BMERB1: variants seen among roughly 807,000 people sequenced by gnomAD.
BMERB1 encodes bMERB domain-containing protein 1.
Under a neutral mutation model 23.6 loss-of-function variants are expected in BMERB1, and 12 were observed. The observed-to-expected ratio is 0.51, with a 90% CI of 0.33 to 0.82. The LOEUF (loss-of-function observed/expected upper bound fraction) is 0.82, where lower values mean the gene tolerates loss of function less well. Among genes scored for constraint, BMERB1 ranks in the 40% least tolerant of loss-of-function variants. The probability of loss-of-function intolerance (pLI) is 0.03; values close to 1 mark genes in which losing one functional copy is unlikely to be tolerated. For missense variants in BMERB1, 247 were observed against 255.4 expected (o/e 0.97, Z 0.22); for synonymous variants, 122 against 96.6 (o/e 1.26, Z -1.54).
At chr16:15,532,939 C>T (rs1294219082) in intron 2 of BMERB1, 1 of 450,544 alleles carries the variant, frequency 2.2e-6, no homozygotes, top group Admixed American at 2.4e-5. Context: ...TTTACTTGCT[C>T]CGGATTAAAT....
Position 15,517,883 on chromosome 16 carries a change from ATG to A in BMERB1, c.230+2466_230+2467del, listed in dbSNP as rs1245049580. Among the ~76,000 whole-genome samples the A allele has an allele frequency of 8.1e-4, 90 of 110,782 alleles. 1 individual carries two copies. The highest frequency in any genetic ancestry group is 4.1e-3 in the African/African-American group (70 of 17,098). 72.7% of individuals were successfully genotyped at this position (110,782 alleles called of 152,430 possible). On this transcript the variant is annotated intron_variant, in intron 2 of 5. Transcript: ENST00000300006. ...TGTGTGGATGTGTGTGGGTGTGTGG[ATG>A]TGTGTGTGTGGATCTGTGTGTGTGT...
intron 4 of BMERB1, among the ~76,000 whole-genome samples, chr16:15,582,038 C>T (rs150030933): frequency 7.9e-4 from 120 of 152,314 alleles, no homozygotes; most frequent in East Asian, 7.1e-3. Context: ...AGTTCCACTG[C>T]CCTTCTTCAT....
chr16:15,501,990 A>G (rs138665994), intron 1 of BMERB1, among the ~76,000 whole-genome samples: 22 of 152,284 alleles, frequency 1.4e-4, no homozygotes, highest in South Asian at 4.1e-4. Flanking sequence ...TTCTATTTCA[A>G]TTGGACCGCA....
intron 1 of BMERB1, among the ~76,000 whole-genome samples, chr16:15,446,126 G>A (rs1453645695): frequency 2.0e-5 from 3 of 152,194 alleles, no homozygotes; most frequent in Non-Finnish European, 4.4e-5. Flanking sequence ...GGGCATAGTG[G>A]CCCACGCTTG....
chr16:15,523,484 C>T (rs1161928509), intron 2 of BMERB1, among the ~76,000 whole-genome samples: 1 of 152,132 alleles, frequency 6.6e-6, no homozygotes, highest in African/African-American at 2.4e-5. Flanking sequence ...CACTTCCCTT[C>T]CTTCCTTCTG....
At chr16:15,585,005 C>A (rs1033181381) in intron 5 of BMERB1, among the ~76,000 whole-genome samples, 2 of 152,170 alleles carry the variant, frequency 1.3e-5, no homozygotes, top group African/African-American at 4.8e-5. Flanking sequence ...GGAAGAGGGA[C>A]TTGAAATCTT....
intron 3 of BMERB1, among the ~76,000 whole-genome samples, chr16:15,580,800 C>A (rs1055655731): frequency 6.6e-6 from 1 of 152,088 alleles, no homozygotes; most frequent in Admixed American, 6.6e-5. Flanking sequence ...CCACCTTGGC[C>A]TCCCAAAGTG....
intron 2 of BMERB1, chr16:15,536,581 C>T (rs1375732726): frequency 1.3e-5 from 2 of 152,414 alleles, no homozygotes; most frequent in African/African-American, 4.8e-5. Flanking sequence ...CCTCAACAGC[C>T]TTTACAGAAG....
chr16:15,553,117 C>T (rs1203090940), intron 2 of BMERB1, among the ~76,000 whole-genome samples: 4 of 152,198 alleles, frequency 2.6e-5, no homozygotes, highest in Admixed American at 2.6e-4. Flanking sequence ...AAGCAATTCT[C>T]CTGCCTCGGC....
chr16:15,472,059 G>C (rs2051233409), intron 1 of BMERB1, among the ~76,000 whole-genome samples: 1 of 152,156 alleles, frequency 6.6e-6, no homozygotes, highest in Admixed American at 6.5e-5. Context: ...CCAAGTGTCA[G>C]GAGATTTTCT....
intron 1 of BMERB1, among the ~76,000 whole-genome samples, chr16:15,509,335 T>TGGGGGGGGGAGGGGGGGGG (rs1172348337): frequency 2.4e-5 from 1 of 42,100 alleles, no homozygotes; most frequent in Admixed American, 2.7e-4. Flanking sequence ...GGAAGGGGGG[T>TGGGGGGGGGAGGGGGGGGG]GGGGGGGGAG....
chr16:15,581,290 G>A lies in BMERB1; in HGVS notation c.378G>A (p.Lys126=). The A allele has an allele frequency of 6.2e-7, 1 of 1,614,172 alleles. No individual in the cohort carries two copies. Among genetic ancestry groups the A allele is most frequent in the African/African-American group, 1.3e-5 (1 of 75,070 alleles). ...LIQKIHKLVQ[K]RDFLVDDAEV... Reference sequence around the variant, plus strand: ...AGAAGATCCACAAACTGGTGCAGAAGAGAGACTTCCTGGTGGACGATGCGG... The same window carrying A: ...AGAAGATCCACAAACTGGTGCAGAAAAGAGACTTCCTGGTGGACGATGCGG... Residue 126 remains lysine, a synonymous_variant, in exon 4 of 6, where the codon AAG becomes AAA. Coordinates refer to ENST00000300006, the MANE Select transcript of BMERB1 (RefSeq NM_033201.3).
At chr16:15,561,892 C>G (rs2150969970) in intron 2 of BMERB1, among the ~76,000 whole-genome samples, 1 of 152,204 alleles carries the variant, frequency 6.6e-6, no homozygotes, top group Admixed American at 6.5e-5. Context: ...GACCCTGTCT[C>G]TAAAAAACAT....
chr16:15,533,609 G>T (rs545579221), intron 2 of BMERB1, among the ~76,000 whole-genome samples: 1 of 152,092 alleles, frequency 6.6e-6, no homozygotes, highest in Non-Finnish European at 1.5e-5. Flanking sequence ...TGCTCAGTCT[G>T]GGCCAATCAG....
At chr16:15,479,538 A>G (rs996805706) in intron 1 of BMERB1, among the ~76,000 whole-genome samples, 6 of 151,982 alleles carry the variant, frequency 3.9e-5, no homozygotes, top group African/African-American at 1.5e-4. Context: ...CTATTAAACT[A>G]CTCCTGCCTT....
At chr16:15,438,276 G>A (rs923056989) in intron 1 of BMERB1, among the ~76,000 whole-genome samples, 1 of 151,454 alleles carries the variant, frequency 6.6e-6, no homozygotes, top group Admixed American at 6.6e-5. Context: ...TAGTAGAGAG[G>A]GGTTTTCACT....
At chr16:15,545,440 C>G (rs914988159) in intron 2 of BMERB1, among the ~76,000 whole-genome samples, 1 of 152,052 alleles carries the variant, frequency 6.6e-6, no homozygotes, top group Non-Finnish European at 1.5e-5. Context: ...GAGAGAAGAC[C>G]CGGTGTGGTT....
intron 3 of BMERB1, among the ~76,000 whole-genome samples, chr16:15,575,448 G>C (rs376824031): frequency 1.2e-4 from 19 of 152,126 alleles, no homozygotes; most frequent in Admixed American, 4.6e-4. Context: ...AATTTCCTTT[G>C]AGGGAACTCA....
At chr16:15,551,134 T>G (rs1436891161) in intron 2 of BMERB1, among the ~76,000 whole-genome samples, 2 of 152,198 alleles carry the variant, frequency 1.3e-5, no homozygotes, top group Non-Finnish European at 2.9e-5. Context: ...TAATTGGATT[T>G]CTCCAGGGCT....
Sources: allele counts gnomAD v4.1 joint callset (sites outside exome capture counted in the v4.1 genomes callset), GRCh38; gene constraint gnomAD v4.1.1; transcripts MANE v1.5; gene names NCBI Gene and HGNC (gene_info 2026-07-23, HGNC 2026-07-21).